CSMD1: variants seen among roughly 807,000 people sequenced by gnomAD.
The protein encoded by CSMD1 is CUB and sushi domain-containing protein 1.
A neutral mutation model predicts 417.5 loss-of-function variants in CSMD1; 213 were observed. That is an observed-to-expected ratio of 0.51 (90% CI 0.46 to 0.57). The LOEUF (loss-of-function observed/expected upper bound fraction) is 0.57. Among genes scored for constraint, CSMD1 ranks in the 20% least tolerant of loss-of-function variants. The pLI is 0.00. For missense variants in CSMD1, 6,923 were observed against 4,529.7 expected, an observed-to-expected ratio of 1.53 and a Z score of -15.17; for synonymous variants, 2,862 against 1,736.8, an observed-to-expected ratio of 1.65 and a Z score of -16.11.
chr8:3,752,414 G>A (rs7008217), intron 6 of CSMD1, among the ~76,000 whole-genome samples: 2,974 of 152,154 alleles, frequency 0.02, 99 homozygotes, highest in African/African-American at 0.068. Context: ...CAGCACTTTG[G>A]GAGGCCGAGG....
At chr8:3,249,521 G>A (rs1232876167) in intron 26 of CSMD1, among the ~76,000 whole-genome samples, 1 of 152,104 alleles carries the variant, frequency 6.6e-6, no homozygotes, top group African/African-American at 2.4e-5. Context: ...ATGGCACCCG[G>A]CCTGTGAGAT....
intron 5 of CSMD1, among the ~76,000 whole-genome samples, chr8:3,876,476 G>C (rs1290599662): frequency 2.0e-5 from 3 of 152,154 alleles, no homozygotes; most frequent in Non-Finnish European, 4.4e-5. Context: ...AGTCCTAACA[G>C]AATTGATAAA....
chr8:4,059,641 G>C (rs376579877), intron 3 of CSMD1, among the ~76,000 whole-genome samples: 10 of 152,084 alleles, frequency 6.6e-5, no homozygotes, highest in Non-Finnish European at 1.5e-4. Flanking sequence ...AATACAAACT[G>C]CCATCAGAGA....
chr8:3,694,204 C>G (rs1800418389), intron 7 of CSMD1, among the ~76,000 whole-genome samples: 1 of 151,944 alleles, frequency 6.6e-6, no homozygotes, highest in African/African-American at 2.4e-5. Context: ...ATAGATGGGG[C>G]AGGGACCTCT....
chr8:4,227,180 G>T (rs1032741037), intron 3 of CSMD1, among the ~76,000 whole-genome samples: 1 of 152,078 alleles, frequency 6.6e-6, no homozygotes, highest in East Asian at 1.9e-4. Context: ...TGCCCTCATG[G>T]TTGCTGAGGG....
intron 3 of CSMD1, among the ~76,000 whole-genome samples, chr8:4,083,037 C>G (rs1800224306): frequency 6.6e-6 from 1 of 151,792 alleles, no homozygotes; most frequent in South Asian, 2.1e-4. Flanking sequence ...GGGTTTGTTC[C>G]AAGTCTTTGC....
chr8:4,164,992 T>G lies in CSMD1; in HGVS notation c.416-132893A>C, dbSNP rs147715057. On this transcript the variant is annotated intron_variant, in intron 3 of 69. Transcript: ENST00000635120. ...AGGAATTTTTATAATTATTGTAGAG[T>G]TTCCTATGTTCTTGTATGTTTTTGT... Among the ~76,000 whole-genome samples the G allele has an allele frequency of 3.6e-3, 541 of 152,200 alleles. 2 individuals are homozygous for G. Among genetic ancestry groups the G allele is most frequent in the Non-Finnish European group, 6.0e-3 (406 of 68,000 alleles).
intron 3 of CSMD1, among the ~76,000 whole-genome samples, chr8:4,058,014 T>C (rs866666017): frequency 2.6e-5 from 4 of 151,606 alleles, no homozygotes; most frequent in South Asian, 2.1e-4. Context: ...CTTGGCAATG[T>C]GGGCTCTTTT....
chr8:4,705,469 C>A (rs1428466772), intron 1 of CSMD1, among the ~76,000 whole-genome samples: 1 of 152,162 alleles, frequency 6.6e-6, no homozygotes, highest in African/African-American at 2.4e-5. Context: ...CATAGTCTTC[C>A]TGCTGTGTAC....
intron 10 of CSMD1, among the ~76,000 whole-genome samples, chr8:3,548,271 T>C (rs1167647681): frequency 6.6e-6 from 1 of 152,180 alleles, no homozygotes; most frequent in Non-Finnish European, 1.5e-5. Flanking sequence ...GTAGCCCTTG[T>C]CTATTTTAAA....
chr8:3,994,210 A>G (rs1815021251), intron 5 of CSMD1, among the ~76,000 whole-genome samples: 2 of 151,924 alleles, frequency 1.3e-5, no homozygotes, highest in African/African-American at 4.8e-5. Context: ...TATCCTCTAC[A>G]CATTCCCTGT....
chr8:4,853,217 C>A (rs1485375143), intron 1 of CSMD1, among the ~76,000 whole-genome samples: 1 of 152,104 alleles, frequency 6.6e-6, no homozygotes, highest in Non-Finnish European at 1.5e-5. Context: ...GGGATAAAGC[C>A]CTGGAATGCA....
chr8:4,634,293 T>C (rs1453675845), intron 2 of CSMD1, among the ~76,000 whole-genome samples: 2 of 152,186 alleles, frequency 1.3e-5, no homozygotes, highest in African/African-American at 4.8e-5. Flanking sequence ...CTGACTAAAG[T>C]TCCAGTTACA....
chr8:3,534,934 G>A (rs905767667), intron 10 of CSMD1, among the ~76,000 whole-genome samples: 9 of 152,128 alleles, frequency 5.9e-5, no homozygotes, highest in African/African-American at 9.7e-5. Context: ...CAGGGTTACT[G>A]TAAGACATGT....
At chr8:4,489,457 A>T (rs796116997) in intron 2 of CSMD1, among the ~76,000 whole-genome samples, 7 of 152,368 alleles carry the variant, frequency 4.6e-5, no homozygotes, top group South Asian at 2.1e-4. Flanking sequence ...AAACTATAAA[A>T]TGGGTGCTGA....
chr8:4,746,573 G>A (rs538314549), intron 1 of CSMD1, among the ~76,000 whole-genome samples: 24 of 152,172 alleles, frequency 1.6e-4, no homozygotes, highest in Admixed American at 1.5e-3. Context: ...GAGAATGAAG[G>A]AATGTGATCT....
intron 6 of CSMD1, among the ~76,000 whole-genome samples, chr8:3,714,059 G>C (rs1292496186): frequency 2.7e-5 from 4 of 150,120 alleles, no homozygotes; most frequent in African/African-American, 9.8e-5. Flanking sequence ...TAGATAGATA[G>C]ATGTCCACAT....
At chr8:2,956,705 C>A (rs1208799840) in intron 63 of CSMD1, among the ~76,000 whole-genome samples, 2 of 152,054 alleles carry the variant, frequency 1.3e-5, no homozygotes, top group African/African-American at 4.8e-5. Context: ...ATCCACCTGC[C>A]TCGGCCTCCC....
At chr8:3,411,870 G>T (rs373715027) in intron 12 of CSMD1, among the ~76,000 whole-genome samples, 1 of 83,324 alleles carries the variant, frequency 1.2e-5, no homozygotes, top group Non-Finnish European at 2.7e-5. Flanking sequence ...ACGTATATAT[G>T]CACGTATATA....
Sources: gnomAD v4.1 joint callset for allele counts (sites outside exome capture counted in the v4.1 genomes callset) on GRCh38, gnomAD v4.1.1 for gene constraint, MANE v1.5 for transcripts, NCBI Gene and HGNC (gene_info 2026-07-23, HGNC 2026-07-21) for gene names.